PCDH15: variants seen among roughly 807,000 people sequenced by gnomAD.
The protein encoded by PCDH15 is protocadherin related 15.
PCDH15 carries 129 observed loss-of-function variants against 178.5 expected under a neutral mutation model. The ratio of observed to expected loss-of-function variants is 0.72; its 90% CI spans 0.63 to 0.84. The LOEUF (loss-of-function observed/expected upper bound fraction) is 0.84. Ranked by LOEUF, PCDH15 falls within the 40% of genes least tolerant of loss-of-function variation. PCDH15 has a pLI of 0.00. For missense variants in PCDH15, 2,230 were observed against 2,099.9 expected (o/e 1.06, Z -1.21); for synonymous variants, 800 against 732.0 (o/e 1.09, Z -1.50).
intron 3 of PCDH15, among the ~76,000 whole-genome samples, chr10:54,467,707 C>T (rs1023826574): frequency 3.2e-4 from 48 of 147,758 alleles, no homozygotes; most frequent in African/African-American, 1.2e-3. Context: ...GAAATTCCCT[C>T]CTCCCCAAAT....
chr10:54,222,761 CTTATT>C (rs1202614072), intron 9 of PCDH15, among the ~76,000 whole-genome samples: 1 of 152,008 alleles, frequency 6.6e-6, no homozygotes, highest in Non-Finnish European at 1.5e-5. Context: ...TTTTCATATT[CTTATT>C]TTGTTTATAA....
At chr10:55,451,383 A>T (rs901184561) in intron 2 of PCDH15, among the ~76,000 whole-genome samples, 1 of 152,074 alleles carries the variant, frequency 6.6e-6, no homozygotes, top group African/African-American at 2.4e-5. Flanking sequence ...CTGTAGTCCA[A>T]GCTACTCGGG....
intron 3 of PCDH15, among the ~76,000 whole-genome samples, chr10:54,431,615 A>C (rs1366188447): frequency 6.6e-6 from 1 of 152,194 alleles, no homozygotes; most frequent in Non-Finnish European, 1.5e-5. Context: ...TCAACACAAT[A>C]AAAGCTATAT....
intron 1 of PCDH15, among the ~76,000 whole-genome samples, chr10:55,187,152 C>T (rs1839820531): frequency 6.6e-6 from 1 of 151,656 alleles, no homozygotes; most frequent in Admixed American, 6.6e-5. Context: ...GGAGTGTGAA[C>T]AGACAAAGAG....
At chr10:53,809,419 C>T in intron 37 of PCDH15, 1 of 1,614,014 alleles carries the variant, frequency 6.2e-7, no homozygotes, top group Non-Finnish European at 8.5e-7. Flanking sequence ...GGGGAATATT[C>T]TGGCTCTCTT....
intron 3 of PCDH15, among the ~76,000 whole-genome samples, chr10:54,842,637 G>C (rs1953439053): frequency 6.6e-6 from 1 of 151,906 alleles, no homozygotes; most frequent in Non-Finnish European, 1.5e-5. Flanking sequence ...TAATGTATTT[G>C]TGGACTTTGT....
chr10:55,349,152 A>G (rs1293183140), intron 2 of PCDH15, among the ~76,000 whole-genome samples: 1 of 152,096 alleles, frequency 6.6e-6, no homozygotes, highest in Non-Finnish European at 1.5e-5. Flanking sequence ...TTCTGTAGTC[A>G]TGGACCAGGA....
chr10:54,383,802 G>T (rs891298533), intron 3 of PCDH15, among the ~76,000 whole-genome samples: 2 of 151,482 alleles, frequency 1.3e-5, no homozygotes, highest in African/African-American at 4.8e-5. Flanking sequence ...TGAAATCAAA[G>T]AAACAAATAT....
chr10:54,527,445 A>T (rs2083462244), intron 3 of PCDH15, among the ~76,000 whole-genome samples: 1 of 152,132 alleles, frequency 6.6e-6, no homozygotes, highest in South Asian at 2.1e-4. Flanking sequence ...GAAGTTAGCA[A>T]TGTAAGGCTT....
intron 9 of PCDH15, among the ~76,000 whole-genome samples, chr10:54,236,381 T>C (rs1011057269): frequency 6.8e-6 from 1 of 147,654 alleles, no homozygotes; most frequent in African/African-American, 2.5e-5. Context: ...CTCTCTCACC[T>C]TTTTTTTTTA....
intron 1 of PCDH15, among the ~76,000 whole-genome samples, chr10:54,704,416 A>G (rs1042776205): frequency 1.3e-5 from 2 of 152,260 alleles, no homozygotes; most frequent in Non-Finnish European, 2.9e-5. Flanking sequence ...TGTGCCTCTG[A>G]CAAAGGTCTA....
intron 25 of PCDH15, among the ~76,000 whole-genome samples, chr10:53,907,887 T>C (rs539003503): frequency 1.6e-4 from 24 of 152,178 alleles, no homozygotes; most frequent in Non-Finnish European, 3.4e-4. Context: ...AACTTGACTC[T>C]ATGATTTTTA....
intron 11 of PCDH15, among the ~76,000 whole-genome samples, chr10:54,192,813 TAA>T (rs901064669): frequency 6.6e-6 from 1 of 151,938 alleles, no homozygotes; most frequent in Admixed American, 6.6e-5. Flanking sequence ...GACACTTTTA[TAA>T]AAGTTATGAA....
At chr10:53,857,553 A>G (rs2078835974) in intron 27 of PCDH15, among the ~76,000 whole-genome samples, 2 of 145,832 alleles carry the variant, frequency 1.4e-5, no homozygotes, top group South Asian at 4.5e-4. Context: ...TTATTTACTG[A>G]GACATGAAGG....
At chr10:54,712,189 A>G (rs1371974960) in intron 1 of PCDH15, among the ~76,000 whole-genome samples, 2 of 151,898 alleles carry the variant, frequency 1.3e-5, no homozygotes, top group Non-Finnish European at 2.9e-5. Context: ...AAGTTTCAAA[A>G]AGGGAGAGAC....
intron 2 of PCDH15, among the ~76,000 whole-genome samples, chr10:55,096,882 C>T (rs1466662784): frequency 6.6e-6 from 1 of 152,076 alleles, no homozygotes; most frequent in East Asian, 1.9e-4. Context: ...TAGCAAACTT[C>T]CAGTATCAGT....
intron 2 of PCDH15, among the ~76,000 whole-genome samples, chr10:55,507,357 C>T (rs1473899789): frequency 6.6e-6 from 1 of 151,472 alleles, no homozygotes; most frequent in Non-Finnish European, 1.5e-5. Context: ...CACATATGCA[C>T]ACACACATAC....
rs534667347 is a variant in PCDH15, at chr10:54,602,634, T to C, written c.91+61538A>G. On this transcript the variant is annotated intron_variant, in intron 2 of 37. Transcript: ENST00000644397. ...ATGGCTATTATTGTGATGAGGTAGG[T>C]TTTCTCTACACCTATTGTATTGAGA... 5.3e-5 allele frequency among the ~76,000 whole-genome samples: 8 copies of C among 152,110 alleles called. No individual in the cohort carries two copies. The South Asian group carries it at 1.7e-3, about 32-fold the overall frequency.
intron 8 of PCDH15, among the ~76,000 whole-genome samples, chr10:54,246,556 A>T (rs1330962348): frequency 6.6e-6 from 1 of 151,954 alleles, no homozygotes; most frequent in Non-Finnish European, 1.5e-5. Context: ...TTAGATGAAT[A>T]CATCATATTT....
Sources: allele counts gnomAD v4.1 joint callset (sites outside exome capture counted in the v4.1 genomes callset), GRCh38; gene constraint gnomAD v4.1.1; transcripts MANE v1.5; gene names NCBI Gene and HGNC (gene_info 2026-07-23, HGNC 2026-07-21).